HPCAL1: variants seen among roughly 807,000 people sequenced by gnomAD.
HPCAL1 encodes hippocalcin like 1.
In HPCAL1, 8 loss-of-function variants were observed where a neutral mutation model predicts 17.1. That is an observed-to-expected ratio of 0.47 (90% confidence interval 0.27 to 0.84). The LOEUF (loss-of-function observed/expected upper bound fraction) is 0.84, where lower values mean the gene tolerates loss of function less well. Ranked by LOEUF, HPCAL1 falls within the 40% of genes least tolerant of loss-of-function variation. HPCAL1 has a pLI of 0.13. For missense variants in HPCAL1, 165 were observed against 271.1 expected (o/e 0.61, Z 2.75); for synonymous variants, 112 against 111.4 (o/e 1.01, Z -0.03).
intron 2 of HPCAL1, among the ~76,000 whole-genome samples, chr2:10,410,951 A>G (rs553773442): frequency 4.0e-4 from 56 of 141,036 alleles, no homozygotes; most frequent in African/African-American, 1.3e-3. Flanking sequence ...GTTTCTTGTG[A>G]GGCAGCCTGC....
intron 1 of HPCAL1, among the ~76,000 whole-genome samples, chr2:10,379,862 T>C (rs1479801171): frequency 1.3e-5 from 2 of 152,212 alleles, no homozygotes; most frequent in Non-Finnish European, 2.9e-5. Flanking sequence ...GAGCGCACAC[T>C]CAGAACCAGT....
intron 1 of HPCAL1, among the ~76,000 whole-genome samples, chr2:10,329,998 G>A (rs879183774): frequency 1.2e-4 from 18 of 152,330 alleles, no homozygotes; most frequent in African/African-American, 3.6e-4. Flanking sequence ...CGGGCCACAC[G>A]GAAGGAGTTC....
intron 1 of HPCAL1, among the ~76,000 whole-genome samples, chr2:10,360,718 T>C (rs1376974983): frequency 6.6e-6 from 1 of 152,166 alleles, no homozygotes; most frequent in African/African-American, 2.4e-5. Flanking sequence ...TACCTGAATC[T>C]TATCACACAT....
At chr2:10,340,480 A>C (rs1025774075) in intron 1 of HPCAL1, among the ~76,000 whole-genome samples, 2 of 150,070 alleles carry the variant, frequency 1.3e-5, no homozygotes, top group African/African-American at 5.1e-5. Flanking sequence ...AATATCCCTC[A>C]GATAGTAGGA....
At chr2:10,407,012 G>A (rs563237103) in intron 2 of HPCAL1, among the ~76,000 whole-genome samples, 10 of 152,252 alleles carry the variant, frequency 6.6e-5, no homozygotes, top group Admixed American at 5.9e-4. Context: ...AAGCTGGAGT[G>A]ATGTTCGCTC....
chr2:10,403,616 T>C (rs1669783307), intron 2 of HPCAL1, among the ~76,000 whole-genome samples: 1 of 152,086 alleles, frequency 6.6e-6, no homozygotes, highest in Non-Finnish European at 1.5e-5. Flanking sequence ...CCTGAGTAGC[T>C]GGATTACAGG....
intron 2 of HPCAL1, among the ~76,000 whole-genome samples, chr2:10,402,300 C>G (rs1268262262): frequency 1.3e-5 from 2 of 152,230 alleles, no homozygotes; most frequent in African/African-American, 4.8e-5. Flanking sequence ...TCGGTGTCTT[C>G]CCAGCACTTA....
chr2:10,319,767 A>G (rs977868169), intron 1 of HPCAL1, among the ~76,000 whole-genome samples: 1 of 151,664 alleles, frequency 6.6e-6, no homozygotes, highest in Admixed American at 6.6e-5. Context: ...ATTCATTCAC[A>G]TCGTGTCTAC....
chr2:10,349,635 G>T (rs57176457), intron 1 of HPCAL1, among the ~76,000 whole-genome samples: 1 of 142,352 alleles, frequency 7.0e-6, no homozygotes, highest in African/African-American at 2.6e-5. Context: ...CCTGGGAGGC[G>T]GAGCTTGCAG....
At chr2:10,366,831 G>A (rs371448144) in intron 1 of HPCAL1, among the ~76,000 whole-genome samples, 1 of 152,184 alleles carries the variant, frequency 6.6e-6, no homozygotes, top group East Asian at 1.9e-4. Context: ...ACCACAGCAC[G>A]GTGAAGGCAC....
chr2:10,338,385 A>C (rs1205130325), intron 1 of HPCAL1, among the ~76,000 whole-genome samples: 1 of 152,220 alleles, frequency 6.6e-6, no homozygotes, highest in Non-Finnish European at 1.5e-5. Context: ...ACTTTGGATC[A>C]GTGCGGCCTG....
At chr2:10,423,158 C>T (rs766450685) in intron 4 of HPCAL1, 70 bp downstream of exon 4, 18 of 1,169,992 alleles carry the variant, frequency 1.5e-5, no homozygotes, top group Non-Finnish European at 2.2e-5. Flanking sequence ...GTTTGGGGCA[C>T]CCCCTCCCCT....
rs1322218367 is a variant in HPCAL1, at chr2:10,365,346, C to T, written c.-110-31489C>T. Among the ~76,000 whole-genome samples the T allele has an allele frequency of 1.3e-5, 2 of 152,164 alleles. No homozygotes were observed. The highest frequency in any genetic ancestry group is 2.4e-5 in the African/African-American group (1 of 41,424). On this transcript the variant is annotated intron_variant, in intron 1 of 4. Transcript: ENST00000307845. This position sits in a 1 kb window ranked among gnomAD's most constrained non-coding sequence, Gnocchi z 4.8. ...GCGCGGTAATTGCAAGAGCGTGAGC[C>T]CCTCCTCTGGGGCATGTTCTTGGAA...
At position 10,331,550 on chromosome 2, in the gene HPCAL1, C is replaced by T. The variant is rs371867522; in HGVS notation, c.-111+28373C>T. ...GAACACCCTCCCAGGAGCTTTTCCA[C>T]GGCCAAGCGCTGGCTGGTGGTGGAG... On this transcript the variant is annotated intron_variant, in intron 1 of 4. Coordinates refer to ENST00000307845, the MANE Select transcript of HPCAL1 (RefSeq NM_002149.4). This position sits in a 1 kb window ranked among gnomAD's most constrained non-coding sequence, Gnocchi z 5.0. Among the ~76,000 whole-genome samples, 58 of 152,306 alleles carry T rather than the reference C, an allele frequency of 3.8e-4. No individual in the cohort carries two copies. The highest frequency in any genetic ancestry group is 1.1e-3 in the African/African-American group (47 of 41,570).
Position 10,426,861 on chromosome 2 carries a change from G to A in HPCAL1, c.*40G>A, listed in dbSNP as rs760514184. 2.6e-6 allele frequency: 4 copies of A among 1,544,546 alleles called. No homozygotes were observed. The East Asian group carries it at 6.7e-5, about 26-fold the overall frequency. ...GACAGTTGCAGAGAAACACAGGCTTGTCGTGCCGTTTAAGCTTTGCTTGCA... is the reference window on the plus strand; with the variant it reads ...GACAGTTGCAGAGAAACACAGGCTTATCGTGCCGTTTAAGCTTTGCTTGCA... On this transcript the variant is annotated 3_prime_UTR_variant, in exon 5 of 5. Coordinates refer to ENST00000307845, the MANE Select transcript of HPCAL1 (RefSeq NM_002149.4).
intron 1 of HPCAL1, among the ~76,000 whole-genome samples, chr2:10,393,292 GA>G (rs1668819547): frequency 6.6e-6 from 1 of 152,230 alleles, no homozygotes; most frequent in Admixed American, 6.5e-5. Context: ...ATAGAGCCAG[GA>G]GGAAATTTGC....
chr2:10,304,161 G>T lies in HPCAL1; in HGVS notation c.-111+984G>T, dbSNP rs1418704018. ...GCGCCGCCTCCGCGAGTGCCCGAGAGCGCCGCGCTGGGCGCCGGCCCTGCC... is the reference window on the plus strand; with the variant it reads ...GCGCCGCCTCCGCGAGTGCCCGAGATCGCCGCGCTGGGCGCCGGCCCTGCC... On this transcript the variant is annotated intron_variant, in intron 1 of 4. Coordinates refer to ENST00000307845, the MANE Select transcript of HPCAL1 (RefSeq NM_002149.4). This position sits in a 1 kb window ranked among gnomAD's most constrained non-coding sequence, Gnocchi z 4.1. 3.3e-5 allele frequency among the ~76,000 whole-genome samples: 5 copies of T among 152,186 alleles called. No homozygotes were observed. Among genetic ancestry groups the T allele is most frequent in the African/African-American group, 1.2e-4 (5 of 41,454 alleles).
chr2:10,377,243 C>T lies in HPCAL1; in HGVS notation c.-110-19592C>T, dbSNP rs147633279. Among the ~76,000 whole-genome samples, 3 of 152,302 alleles carry T rather than the reference C, an allele frequency of 2.0e-5. No homozygotes were observed. The highest frequency in any genetic ancestry group is 4.4e-5 in the Non-Finnish European group (3 of 68,024). ...GGCTGCCACGCAGGCCGCGCCGCCCCGAATGGCAGGTGGAAGGCGGCTGAG... is the reference window on the plus strand; with the variant it reads ...GGCTGCCACGCAGGCCGCGCCGCCCTGAATGGCAGGTGGAAGGCGGCTGAG... On this transcript the variant is annotated intron_variant, in intron 1 of 4. Transcript: ENST00000307845. This position sits in a 1 kb window ranked among gnomAD's most constrained non-coding sequence, Gnocchi z 5.9.
At chr2:10,383,815 G>A (rs185396241) in intron 1 of HPCAL1, among the ~76,000 whole-genome samples, 1 of 152,070 alleles carries the variant, frequency 6.6e-6, no homozygotes, top group Non-Finnish European at 1.5e-5. Context: ...GGGAAGGGGG[G>A]GCTGTCCTGT....
Sources: gnomAD v4.1 joint callset for allele counts (sites outside exome capture counted in the v4.1 genomes callset) on GRCh38, gnomAD v4.1.1 for gene constraint, Gnocchi (gnomAD v3.1) non-coding constraint, MANE v1.5 for transcripts, NCBI Gene and HGNC (gene_info 2026-07-23, HGNC 2026-07-21) for gene names.